Variants in CUX1 observed in about 807,000 individuals in gnomAD.
The protein encoded by CUX1 is cut like homeobox 1.
Under a neutral mutation model 158.8 loss-of-function variants are expected in CUX1, and 31 were observed. That is an observed-to-expected ratio of 0.20 (90% CI 0.15 to 0.26). The LOEUF is 0.26. CUX1 is among the 10% of genes least tolerant of loss of function. The probability of loss-of-function intolerance (pLI) is 1.00; values close to 1 mark genes in which losing one functional copy is unlikely to be tolerated. For synonymous variants in CUX1, 879 were observed against 862.1 expected, an observed-to-expected ratio of 1.02 and a Z score of -0.34; for missense variants, 1,589 against 2,014.6, an observed-to-expected ratio of 0.79 and a Z score of 4.04.
intron 2 of CUX1, among the ~76,000 whole-genome samples, chr7:101,977,101 T>TG (rs1470162177): frequency 3.3e-5 from 5 of 151,682 alleles, no homozygotes; most frequent in African/African-American, 1.2e-4. Flanking sequence ...TTAGTAGAGA[T>TG]GGGGCTTCAC....
At chr7:101,906,437 C>T (rs926228927) in intron 1 of CUX1, among the ~76,000 whole-genome samples, 3 of 151,572 alleles carry the variant, frequency 2.0e-5, no homozygotes, top group Non-Finnish European at 2.9e-5. Context: ...TGGCGAGGTC[C>T]GAGGGGAAAG....
At chr7:102,189,767 C>T in intron 11 of CUX1, 46 bp from the exon 12 acceptor site, 2 of 1,604,664 alleles carry the variant, frequency 1.2e-6, no homozygotes, top group South Asian at 2.2e-5. Flanking sequence ...AGTCCGTCGA[C>T]CTGTTGTCAG....
chr7:102,103,599 C>T (rs566837350), intron 5 of CUX1, among the ~76,000 whole-genome samples: 1 of 152,134 alleles, frequency 6.6e-6, no homozygotes, highest in Non-Finnish European at 1.5e-5. Flanking sequence ...CCACGTCCAG[C>T]TAATTCTTGC....
At chr7:102,128,080 G>A (rs914477960) in intron 8 of CUX1, among the ~76,000 whole-genome samples, 4 of 152,152 alleles carry the variant, frequency 2.6e-5, no homozygotes, top group Middle Eastern at 6.8e-3. Flanking sequence ...TCAGGTGATC[G>A]GCCCACTTCA....
intron 17 of CUX1, among the ~76,000 whole-genome samples, chr7:102,275,709 C>G (rs536636842): frequency 6.6e-6 from 1 of 152,276 alleles, no homozygotes; most frequent in East Asian, 1.9e-4. Flanking sequence ...GGCAGTGGCA[C>G]TGCAAGAATG....
exon 16 of CUX1, chr7:102,274,310 G>A (rs782620018): frequency 1.5e-5 from 25 of 1,612,970 alleles, no homozygotes; most frequent in African/African-American, 1.2e-4. Context: ...CCTATTCTAC[G>A]GTAAGGAGAG....
intron 8 of CUX1, among the ~76,000 whole-genome samples, chr7:102,150,589 C>A (rs966963280): frequency 6.6e-6 from 1 of 152,230 alleles, no homozygotes; most frequent in Admixed American, 6.5e-5. Context: ...TGCCAGCGTG[C>A]TTATTTGGGT....
At chr7:102,151,409 C>T (rs1468097054) in intron 8 of CUX1, among the ~76,000 whole-genome samples, 2 of 151,900 alleles carry the variant, frequency 1.3e-5, no homozygotes, top group South Asian at 2.1e-4. Context: ...AAAAATTAGC[C>T]GGGTGTGGTG....
At position 102,257,127 on chromosome 7, in the gene CUX1, G is replaced by A. The variant is rs1270377018; in HGVS notation, c.*8085G>A. 3.0e-6 allele frequency: 3 copies of A among 985,228 alleles called. No homozygotes were observed. Among genetic ancestry groups the A allele is most frequent in the Non-Finnish European group, 2.4e-6 (2 of 829,932 alleles). The allele number at this position is 985,228 out of a possible 1,614,324, so 61.0% of individuals were successfully genotyped here. On this transcript the variant is annotated 3_prime_UTR_variant, in exon 24 of 24. Transcript: ENST00000292535. ...GCCCTGCCTTGATCCCATGGGCCCA[G>A]CAGAAGGAAACTTACCCCAGGCCAA...
intron 1 of CUX1, among the ~76,000 whole-genome samples, chr7:101,872,032 A>AAT (rs1798620928): frequency 6.6e-6 from 1 of 152,010 alleles, no homozygotes; most frequent in Non-Finnish European, 1.5e-5. Context: ...AAAAAAAAAA[A>AAT]AGAAAAGAAA....
At chr7:102,261,839 G>C (rs964422169), downstream of CUX1, among the ~76,000 whole-genome samples, 1 of 152,112 alleles carries the variant, frequency 6.6e-6, no homozygotes, top group African/African-American at 2.4e-5. Flanking sequence ...AAACTCGGTC[G>C]GGCACGATGG....
intron 2 of CUX1, among the ~76,000 whole-genome samples, chr7:101,922,019 G>A (rs931237048): frequency 1.1e-4 from 17 of 152,076 alleles, no homozygotes; most frequent in African/African-American, 4.1e-4. Flanking sequence ...TTGGGAGGCC[G>A]AGGTGGGAGG....
intron 2 of CUX1, among the ~76,000 whole-genome samples, chr7:101,972,697 G>A (rs1373484404): frequency 6.6e-6 from 1 of 152,210 alleles, no homozygotes. Context: ...ACTCCCTGTC[G>A]GGGAAGGACT....
At chr7:102,131,086 T>A (rs1833171098) in intron 8 of CUX1, among the ~76,000 whole-genome samples, 1 of 145,348 alleles carries the variant, frequency 6.9e-6, no homozygotes, top group South Asian at 2.2e-4. Flanking sequence ...TTCAGCCTGG[T>A]CAACAGAGTG....
intron 21 of CUX1, among the ~76,000 whole-genome samples, chr7:102,231,593 C>G (rs1323717602): frequency 1.3e-5 from 2 of 152,036 alleles, no homozygotes; most frequent in African/African-American, 4.8e-5. Flanking sequence ...TTTCCCCATT[C>G]AGCTGGGAGG....
At chr7:102,022,851 A>G (rs1241126833) in intron 2 of CUX1, among the ~76,000 whole-genome samples, 2 of 152,248 alleles carry the variant, frequency 1.3e-5, no homozygotes, top group African/African-American at 2.4e-5. Flanking sequence ...CAAGGTGAAA[A>G]CATCACTGAC....
intron 3 of CUX1, among the ~76,000 whole-genome samples, chr7:102,042,760 G>A (rs1409985401): frequency 1.3e-5 from 2 of 151,978 alleles, no homozygotes; most frequent in South Asian, 4.1e-4. Flanking sequence ...AAGAAAAGTT[G>A]TATATATTTA....
intron 5 of CUX1, among the ~76,000 whole-genome samples, chr7:102,098,880 C>T (rs1208501538): frequency 4.3e-5 from 6 of 140,154 alleles, no homozygotes; most frequent in Admixed American, 2.3e-4. Context: ...AGGATGGTCT[C>T]GATCTCCTGA....
At chr7:101,878,950 G>A (rs1465919106) in intron 1 of CUX1, among the ~76,000 whole-genome samples, 1 of 152,182 alleles carries the variant, frequency 6.6e-6, no homozygotes, top group East Asian at 1.9e-4. Flanking sequence ...GGGATTACAG[G>A]CATGAGCCAC....
Sources: gnomAD v4.1 joint callset for allele counts (sites outside exome capture counted in the v4.1 genomes callset) on GRCh38, gnomAD v4.1.1 for gene constraint, MANE v1.5 for transcripts, NCBI Gene and HGNC (gene_info 2026-07-23, HGNC 2026-07-21) for gene names.